KDM2B: variants seen among roughly 807,000 people sequenced by gnomAD.
KDM2B encodes the protein lysine-specific demethylase 2B.
Under a neutral mutation model 150.0 loss-of-function variants are expected in KDM2B, and 26 were observed. The ratio of observed to expected loss-of-function variants is 0.17; its 90% CI spans 0.13 to 0.24. The LOEUF (loss-of-function observed/expected upper bound fraction) is 0.24. Ranked by LOEUF, KDM2B falls within the 10% of genes least tolerant of loss-of-function variation. KDM2B has a pLI of 1.00. For synonymous variants in KDM2B, 734 were observed against 729.5 expected, an observed-to-expected ratio of 1.01 and a Z score of -0.10; for missense variants, 1,265 against 1,816.9, an observed-to-expected ratio of 0.70 and a Z score of 5.52.
At chr12:121,483,026 G>T (rs570265382) in intron 12 of KDM2B, among the ~76,000 whole-genome samples, 93 of 152,152 alleles carry the variant, frequency 6.1e-4, no homozygotes, top group Non-Finnish European at 1.1e-3. Context: ...ACCTGGGCGT[G>T]GTGGGGGGCG....
At position 121,430,555 on chromosome 12, in the gene KDM2B, G is replaced by GA; in HGVS notation, c.3830-87dup. ...CCAGACCCAGGCACTCAGCAGTGGG[G>GA]ACAGGTCAGAGCTCTACATATTCCA... On this transcript the variant is annotated intron_variant, in intron 22 of 22. Transcript: ENST00000377071. This position sits in a 1 kb window ranked among gnomAD's most constrained non-coding sequence, Gnocchi z 4.4. 2.3e-6 allele frequency: 2 copies of GA among 876,066 alleles called. No homozygotes were observed. Among genetic ancestry groups the GA allele is most frequent in the East Asian group, 2.4e-5 (1 of 41,612 alleles). 54.3% of individuals were successfully genotyped at this position (876,066 alleles called of 1,614,324 possible). A position where few individuals can be genotyped will look rare whatever the true frequency, so the allele number is the denominator to read the frequency against.
At chr12:121,558,302 G>A (rs1451417984) in intron 4 of KDM2B, among the ~76,000 whole-genome samples, 1 of 152,094 alleles carries the variant, frequency 6.6e-6, no homozygotes, top group Admixed American at 6.6e-5. Context: ...CCTGACCTGG[G>A]GGTGGTTCTG....
At chr12:121,506,834 G>T (rs1217528959) in intron 11 of KDM2B, among the ~76,000 whole-genome samples, 2 of 152,156 alleles carry the variant, frequency 1.3e-5, no homozygotes, top group African/African-American at 4.8e-5. Flanking sequence ...TACTAGGGAG[G>T]CTGAGGCAGG....
At chr12:121,555,394 A>G (rs1889814172) in intron 4 of KDM2B, among the ~76,000 whole-genome samples, 1 of 152,168 alleles carries the variant, frequency 6.6e-6, no homozygotes, top group Admixed American at 6.5e-5. Context: ...TTCTTTTGAG[A>G]CAGAGTCTCG....
At chr12:121,461,361 A>T (rs1421621641) in intron 12 of KDM2B, among the ~76,000 whole-genome samples, 1 of 152,186 alleles carries the variant, frequency 6.6e-6, no homozygotes, top group African/African-American at 2.4e-5. Flanking sequence ...GACCCATCAC[A>T]GTAAGTTAAA....
At chr12:121,545,088 C>T (rs541871208) in intron 6 of KDM2B, among the ~76,000 whole-genome samples, 3 of 152,116 alleles carry the variant, frequency 2.0e-5, no homozygotes, top group African/African-American at 7.2e-5. Context: ...ATGAAAGCTC[C>T]ATGATTTCTA....
At chr12:121,548,435 C>A (rs1199791554) in intron 6 of KDM2B, among the ~76,000 whole-genome samples, 1 of 152,214 alleles carries the variant, frequency 6.6e-6, no homozygotes, top group African/African-American at 2.4e-5. Flanking sequence ...CACCAAGGAA[C>A]AAAAGAATGC....
intron 2 of KDM2B, among the ~76,000 whole-genome samples, chr12:121,577,959 C>G (rs1891620414): frequency 6.6e-6 from 1 of 152,176 alleles, no homozygotes; most frequent in East Asian, 1.9e-4. Context: ...GGGAGAAACT[C>G]AGGCCGTGAA....
chr12:121,577,127 G>A (rs1233584061), intron 2 of KDM2B, among the ~76,000 whole-genome samples: 1 of 152,048 alleles, frequency 6.6e-6, no homozygotes, highest in Non-Finnish European at 1.5e-5. Context: ...CAAAGCCCTG[G>A]GCCCTCCCCT....
At chr12:121,503,470 T>C (rs1884777626) in intron 11 of KDM2B, among the ~76,000 whole-genome samples, 1 of 139,778 alleles carries the variant, frequency 7.2e-6, no homozygotes. Flanking sequence ...TTTTGTTCCT[T>C]TTGTTTTGTT....
intron 10 of KDM2B, among the ~76,000 whole-genome samples, chr12:121,512,608 G>C (rs573968212): frequency 6.6e-6 from 1 of 152,078 alleles, no homozygotes; most frequent in Non-Finnish European, 1.5e-5. Context: ...AGACGCAGCC[G>C]AGAGGAATCA....
intron 1 of KDM2B, 138 bp downstream of exon 1, chr12:121,580,648 A>AATGCAAGCCGAGCATGCTGGC: frequency 7.5e-7 from 1 of 1,327,800 alleles, no homozygotes; most frequent in Non-Finnish European, 1.0e-6. Context: ...GAGGCGCGGA[A>AATGCAAGCCGAGCATGCTGGC]ATGCAAGCCG....
At chr12:121,444,382 C>T (rs1875760149) in intron 15 of KDM2B, 68 bp downstream of exon 15, 1 of 1,608,522 alleles carries the variant, frequency 6.2e-7, no homozygotes, top group East Asian at 2.2e-5. Context: ...CTGGGACAGG[C>T]TGGTCCCGGC....
chr12:121,517,754 A>G (rs1390800875), intron 9 of KDM2B, among the ~76,000 whole-genome samples: 1 of 151,326 alleles, frequency 6.6e-6, no homozygotes, highest in East Asian at 2.0e-4. Flanking sequence ...TATAGGCGTC[A>G]GCCACCGGCG....
At chr12:121,423,572 C>T in the KDM2B span, 6 of 1,612,294 alleles carry the variant, frequency 3.7e-6, no homozygotes, top group Admixed American at 8.3e-5. This position sits in a 1 kb window ranked among gnomAD's most constrained non-coding sequence, Gnocchi z 4.3. Flanking sequence ...GTGTTCAAGT[C>T]CTGAAACAGG....
intron 22 of KDM2B, among the ~76,000 whole-genome samples, chr12:121,431,714 T>TCAAA (rs1314734321): frequency 6.6e-6 from 1 of 152,072 alleles, no homozygotes; most frequent in African/African-American, 2.4e-5. Flanking sequence ...CACAGAATCT[T>TCAAA]CAAACAGATG....
At chr12:121,418,223 A>G in the KDM2B span, 10 of 317,258 alleles carry the variant, frequency 3.2e-5, no homozygotes, top group Non-Finnish European at 4.7e-5. Context: ...AAAGTAGCAC[A>G]TACACATTTG....
Position 121,534,414 on chromosome 12 carries a change from G to A in KDM2B, c.777+83C>T, listed in dbSNP as rs1489544814. Reference sequence around the variant, plus strand: ...GCAGGGCTGGTTGGAGGAGGGAGGTGGGAGGAGAGGGAAAGGTAAGTGAGC... The same window carrying A: ...GCAGGGCTGGTTGGAGGAGGGAGGTAGGAGGAGAGGGAAAGGTAAGTGAGC... On this transcript the variant is annotated intron_variant, in intron 7 of 22. Transcript: ENST00000377071. The A allele has an allele frequency of 1.2e-5, 11 of 951,644 alleles. No individual in the cohort carries two copies. In the East Asian group the frequency reaches 2.2e-4, roughly 19 times the overall value. 59.0% of individuals were successfully genotyped at this position (951,644 alleles called of 1,614,324 possible).
chr12:121,580,806 C>G lies in KDM2B; in HGVS notation c.106G>C (p.Glu36Gln). ...ATTACCTGTGTGGCCGACTCAAATT[C>G]AAAGCATTTTGTATATATAACTGTT... The part of the protein sequence containing the change: ...KKTVIYTKCF[E>Q]FESATQRPID... The change falls in exon 1 of 23, where the codon GAA becomes CAA. Residue 36 changes from glutamate (E) to glutamine (Q), a missense_variant. Coordinates refer to ENST00000377071, the MANE Select transcript of KDM2B (RefSeq NM_032590.5). The G allele has an allele frequency of 6.2e-7, 1 of 1,613,534 alleles. No homozygotes were observed. The highest frequency in any genetic ancestry group is 1.1e-5 in the South Asian group (1 of 90,908).
Sources: gnomAD v4.1 joint callset for allele counts (sites outside exome capture counted in the v4.1 genomes callset) on GRCh38, gnomAD v4.1.1 for gene constraint, Gnocchi (gnomAD v3.1) non-coding constraint, MANE v1.5 for transcripts, NCBI Gene and HGNC (gene_info 2026-07-23, HGNC 2026-07-21) for gene names.